The following MAOA variants were observed in gnomAD, a reference collection of about 807,000 sequenced individuals.
The protein encoded by MAOA is monoamine oxidase A.
MAOA carries 6 observed loss-of-function variants against 42.0 expected under a neutral mutation model. The observed-to-expected ratio is 0.14, with a 90% CI of 0.08 to 0.28. The LOEUF (loss-of-function observed/expected upper bound fraction) is 0.28. Among genes scored for constraint, MAOA ranks in the 10% least tolerant of loss-of-function variants. The probability of loss-of-function intolerance (pLI) is 1.00; values close to 1 mark genes in which losing one functional copy is unlikely to be tolerated. For synonymous variants in MAOA, 140 were observed against 154.0 expected (o/e 0.91, Z 0.67); for missense variants, 262 against 422.3 (o/e 0.62, Z 3.33).
intron 3 of MAOA, among the ~76,000 whole-genome samples, chrX:43,705,501 A>T (rs2033652694): frequency 8.9e-6 from 1 of 112,262 alleles, no homozygotes; most frequent in South Asian, 3.7e-4. Context: ...AAGAGCTAAA[A>T]ATATAAAACT....
intron 1 of MAOA, among the ~76,000 whole-genome samples, chrX:43,680,340 G>A (rs778984254): frequency 1.2e-4 from 13 of 111,044 alleles, no homozygotes; most frequent in African/African-American, 2.0e-4. Flanking sequence ...GGAAAAGCCC[G>A]TGAAGGATAA....
chrX:43,743,685 A>C (rs1569202897), intron 12 of MAOA, 109 bp from the exon 13 acceptor site: 1 of 953,204 alleles, frequency 1.0e-6, no homozygotes, highest in African/African-American at 1.9e-5. Context: ...TGTTTTTTAA[A>C]CAGTCTGAAT....
At chrX:43,718,153 A>C (rs1186405422) in intron 5 of MAOA, among the ~76,000 whole-genome samples, 3 of 107,350 alleles carry the variant, frequency 2.8e-5, no homozygotes, top group African/African-American at 1.0e-4. Context: ...GTATCTTCCA[A>C]GAATGATTCA....
Position 43,744,127 on chromosome X carries a change from A to C in MAOA, c.1393A>C (p.Lys465Gln). 5 of 1,209,077 alleles carry C rather than the reference A, an allele frequency of 4.1e-6. No homozygotes were observed. Among genetic ancestry groups the C allele is most frequent in the Non-Finnish European group, 5.6e-6 (5 of 893,472 alleles). Residue 465 changes from lysine to glutamine, a missense_variant, in exon 14 of 15, where the codon AAG becomes CAG. By Grantham distance (53) the Lys-to-Gln change is moderately conservative. Coordinates refer to ENST00000338702, the MANE Select transcript of MAOA (RefSeq NM_000240.4). The part of the protein sequence containing the change: ...AAREVLNGLG[K>Q]VTEKDIWVQE... The stretch of plus-strand genomic sequence containing the variant: ...CTTTCAGGTCTTAAATGGTCTCGGG[A>C]AGGTGACCGAGAAAGATATCTGGGT...
At chrX:43,662,473 T>C (rs768039000) in intron 1 of MAOA, among the ~76,000 whole-genome samples, 10 of 111,330 alleles carry the variant, frequency 9.0e-5, no homozygotes, top group Non-Finnish European at 1.7e-4. Context: ...TGTTACATAA[T>C]CCTCAGCTAT....
At chrX:43,740,394 G>A (rs1394374281) in intron 10 of MAOA, among the ~76,000 whole-genome samples, 1 of 111,243 alleles carries the variant, frequency 9.0e-6, no homozygotes, top group Non-Finnish European at 1.9e-5. Flanking sequence ...TTTTTATCTC[G>A]AGAAGATATC....
chrX:43,738,332 G>A (rs1429665776), intron 10 of MAOA, among the ~76,000 whole-genome samples: 2 of 112,241 alleles, frequency 1.8e-5, no homozygotes, highest in African/African-American at 6.5e-5. Flanking sequence ...GGGAAGAAGG[G>A]AAAGGGAAAG....
chrX:43,708,843 T>C (rs2033678364), intron 3 of MAOA, among the ~76,000 whole-genome samples: 1 of 108,130 alleles, frequency 9.2e-6, no homozygotes, highest in African/African-American at 3.4e-5. Context: ...TTTGTATTTT[T>C]AGTAGAGACG....
intron 1 of MAOA, among the ~76,000 whole-genome samples, chrX:43,671,286 G>A (rs1432825862): frequency 1.9e-5 from 2 of 106,504 alleles, no homozygotes; most frequent in African/African-American, 3.4e-5. Flanking sequence ...TTTTGATGGG[G>A]TTGTTTGTTT....
intron 2 of MAOA, among the ~76,000 whole-genome samples, chrX:43,690,807 C>T (rs989659023): frequency 2.4e-4 from 26 of 110,250 alleles, no homozygotes; most frequent in African/African-American, 8.3e-4. Flanking sequence ...AATATAAAGT[C>T]GTGGATGCAG....
At chrX:43,741,503 A>G (rs1380773997) in intron 11 of MAOA, among the ~76,000 whole-genome samples, 3 of 111,494 alleles carry the variant, frequency 2.7e-5, no homozygotes, top group Non-Finnish European at 5.7e-5. Context: ...TTTCTTAGAC[A>G]TTTGTTTGTC....
chrX:43,656,407 C>T lies in MAOA; in HGVS notation c.66C>T (p.Gly22=). Residue 22 remains glycine, a synonymous_variant, in exon 1 of 15, where the codon GGC becomes GGT. Coordinates refer to ENST00000338702, the MANE Select transcript of MAOA (RefSeq NM_000240.4). Reference sequence around the variant, plus strand: ...TCGACGTAGTCGTGATCGGAGGTGGCATTTCAGGTCAGTGTGGACCGTAGC... The same window carrying T: ...TCGACGTAGTCGTGATCGGAGGTGGTATTTCAGGTCAGTGTGGACCGTAGC... ...HMFDVVVIGG[G]ISGLSAAKLL... 2 of 1,210,460 alleles carry T rather than the reference C, an allele frequency of 1.7e-6. No individual in the cohort carries two copies. The highest frequency in any genetic ancestry group is 2.2e-6 in the Non-Finnish European group (2 of 894,337).
chrX:43,695,413 G>A (rs2033570333), intron 3 of MAOA, among the ~76,000 whole-genome samples: 1 of 111,696 alleles, frequency 9.0e-6, no homozygotes, highest in Admixed American at 9.5e-5. Context: ...GTACCTGCTA[G>A]TCTCCCAGCC....
intron 5 of MAOA, among the ~76,000 whole-genome samples, chrX:43,723,848 C>A (rs1173329064): frequency 9.0e-6 from 1 of 111,440 alleles, no homozygotes; most frequent in Non-Finnish European, 1.9e-5. Context: ...TTTTGAGATA[C>A]GTTCCATCAA....
intron 3 of MAOA, 79 bp from the exon 4 acceptor site, chrX:43,711,793 C>T: frequency 1.2e-6 from 1 of 817,437 alleles, no homozygotes; most frequent in Non-Finnish European, 1.8e-6. Flanking sequence ...AGGTTGGTTG[C>T]TTTTTTGTTG....
intron 6 of MAOA, among the ~76,000 whole-genome samples, chrX:43,730,473 C>A (rs1017178847): frequency 9.5e-5 from 10 of 105,536 alleles, no homozygotes; most frequent in African/African-American, 3.5e-4. Flanking sequence ...TACTCAAGAT[C>A]TGATATTCCG....
chrX:43,698,940 T>G (rs995086594), intron 3 of MAOA, among the ~76,000 whole-genome samples: 15 of 111,534 alleles, frequency 1.3e-4, no homozygotes, highest in African/African-American at 4.6e-4. Flanking sequence ...ACACTTGATC[T>G]TAGCCAAAAA....
At chrX:43,669,386 C>T (rs1406033065) in intron 1 of MAOA, among the ~76,000 whole-genome samples, 1 of 110,798 alleles carries the variant, frequency 9.0e-6, no homozygotes, top group South Asian at 3.8e-4. Flanking sequence ...CCACTGCACT[C>T]CAGCCTGGGC....
intron 1 of MAOA, among the ~76,000 whole-genome samples, chrX:43,673,848 G>A (rs186984620): frequency 3.5e-3 from 394 of 111,888 alleles, no homozygotes; most frequent in African/African-American, 0.012. Context: ...CATTTGCTGA[G>A]GAGAGCTTTA....
Sources: allele counts gnomAD v4.1 joint callset (sites outside exome capture counted in the v4.1 genomes callset), GRCh38; gene constraint gnomAD v4.1.1; transcripts MANE v1.5; gene names NCBI Gene and HGNC (gene_info 2026-07-23, HGNC 2026-07-21).